FHAD1: variants seen among roughly 807,000 people sequenced by gnomAD.
The protein encoded by FHAD1 is forkhead associated phosphopeptide binding domain 1.
A neutral mutation model predicts 191.3 loss-of-function variants in FHAD1; 146 were observed. That is an observed-to-expected ratio of 0.76 (90% CI 0.67 to 0.88). The LOEUF is 0.88. Among genes scored for constraint, FHAD1 ranks in the 40% least tolerant of loss-of-function variants. The pLI is 0.00. For synonymous variants in FHAD1, 616 were observed against 672.3 expected (o/e 0.92, Z 1.29); for missense variants, 1,635 against 1,785.8 (o/e 0.92, Z 1.52).
chr1:15,360,483 G>A lies in FHAD1; in HGVS notation c.2742G>A (p.Met914Ile), dbSNP rs767083796. ...ELETTKTKMIMVEERLILQQK... is the reference protein window; with the variant it reads ...ELETTKTKMIIVEERLILQQK... ...AGTGACTCTCTGTTTCCCAGATCAT[G>A]GTGGAAGAGCGGCTAATCCTGCAGC... The change falls in exon 22 of 34, where the codon ATG (methionine) becomes ATA (isoleucine). Residue 914 changes from methionine (M) to isoleucine (I), a missense_variant. By Grantham distance (10) the Met-to-Ile change is conservative (BLOSUM62 1). Coordinates refer to ENST00000688493, the MANE Select transcript of FHAD1 (RefSeq NM_001391957.1). 23 of 1,550,896 alleles carry A rather than the reference G, an allele frequency of 1.5e-5. No individual in the cohort carries two copies. The highest frequency in any genetic ancestry group is 2.4e-5 in the East Asian group (1 of 40,938).
intron 4 of FHAD1, among the ~76,000 whole-genome samples, chr1:15,296,298 G>A (rs1666944372): frequency 6.9e-6 from 1 of 145,880 alleles, no homozygotes; most frequent in Non-Finnish European, 1.5e-5. Flanking sequence ...CTGTCACCCA[G>A]GCTGGAGTGC....
intron 26 of FHAD1, 111 bp downstream of exon 26, chr1:15,369,613 G>C: frequency 7.8e-7 from 1 of 1,279,164 alleles, no homozygotes; most frequent in Non-Finnish European, 1.1e-6. Flanking sequence ...AGTATGGCTT[G>C]CTGGTGTGAA....
At chr1:15,359,801 A>T (rs1293901804) in intron 21 of FHAD1, among the ~76,000 whole-genome samples, 1 of 150,420 alleles carries the variant, frequency 6.6e-6, no homozygotes, top group Admixed American at 6.6e-5. Context: ...ATGCAAGAAA[A>T]TAGCCAGGCG....
At chr1:15,353,042 C>T (rs911072536) in intron 20 of FHAD1, 58 bp downstream of exon 20, 1 of 1,289,518 alleles carries the variant, frequency 7.8e-7, no homozygotes, top group African/African-American at 1.5e-5. Flanking sequence ...GGGCAGTGCT[C>T]TAGAGCCAGG....
chr1:15,358,890 G>A (rs933672348), intron 21 of FHAD1, among the ~76,000 whole-genome samples: 7 of 152,212 alleles, frequency 4.6e-5, no homozygotes, highest in African/African-American at 1.4e-4. Flanking sequence ...GGAGAGAACA[G>A]CTCTGGGTGT....
At chr1:15,247,152 G>C (rs1173883183), upstream of FHAD1, 2 of 153,942 alleles carry the variant, frequency 1.3e-5, no homozygotes, top group African/African-American at 4.8e-5. Flanking sequence ...TTCCCTGCAC[G>C]GTGCCACGCC....
At chr1:15,319,487 G>A (rs897695641) in intron 10 of FHAD1, among the ~76,000 whole-genome samples, 9 of 152,248 alleles carry the variant, frequency 5.9e-5, no homozygotes, top group African/African-American at 2.2e-4. Context: ...TTGTCCAGGT[G>A]CAGTAGCTCA....
chr1:15,290,790 G>A (rs1486895238), intron 4 of FHAD1, among the ~76,000 whole-genome samples: 2 of 151,700 alleles, frequency 1.3e-5, no homozygotes, highest in Non-Finnish European at 2.9e-5. Context: ...CGCACTGCAA[G>A]CTCCGCCTTC....
intron 13 of FHAD1, 164 bp downstream of exon 13, chr1:15,328,593 A>T: frequency 1.7e-6 from 1 of 592,380 alleles, no homozygotes; most frequent in East Asian, 3.3e-5. Context: ...AGAAAAAACA[A>T]AGGGCCTAAA....
intron 13 of FHAD1, chr1:15,328,674 C>CTCAAATTTTT (rs1174578569): frequency 2.8e-6 from 1 of 360,216 alleles, no homozygotes; most frequent in Non-Finnish European, 4.9e-6. Flanking sequence ...TGACTTTGAG[C>CTCAAATTTTT]GGCCCGCATC....
chr1:15,309,651 C>T (rs538559846), intron 7 of FHAD1, among the ~76,000 whole-genome samples: 156 of 149,888 alleles, frequency 1.0e-3, no homozygotes, highest in South Asian at 5.8e-3. Context: ...TTTCCTAAAA[C>T]ATTATGAGAT....
intron 3 of FHAD1, among the ~76,000 whole-genome samples, chr1:15,279,958 G>A (rs1420732110): frequency 6.6e-6 from 1 of 152,172 alleles, no homozygotes. Flanking sequence ...ATGAGATTCC[G>A]TGCTAGGAGC....
intron 15 of FHAD1, among the ~76,000 whole-genome samples, chr1:15,340,952 C>T (rs868793114): frequency 6.6e-6 from 1 of 151,970 alleles, no homozygotes; most frequent in African/African-American, 2.4e-5. Context: ...GAGGCTGAGG[C>T]GGGTGGATCA....
At chr1:15,348,657 G>C (rs879054069) in intron 18 of FHAD1, among the ~76,000 whole-genome samples, 1 of 152,148 alleles carries the variant, frequency 6.6e-6, no homozygotes, top group Admixed American at 6.5e-5. Flanking sequence ...CTCTTCTTTT[G>C]ATCAGAGAGG....
At chr1:15,395,975 T>C (rs1350948001) in intron 33 of FHAD1, among the ~76,000 whole-genome samples, 1 of 152,050 alleles carries the variant, frequency 6.6e-6, no homozygotes. Context: ...ACCATCACAA[T>C]GAATGTGTTA....
At chr1:15,258,194 G>A (rs773628699) in intron 2 of FHAD1, among the ~76,000 whole-genome samples, 1 of 152,048 alleles carries the variant, frequency 6.6e-6, no homozygotes, top group African/African-American at 2.4e-5. Context: ...CCTTCATCTT[G>A]CAAAACTGAA....
Position 15,308,710 on chromosome 1 carries a change from T to TA in FHAD1, c.1016dup (p.Arg340GlufsTer22), listed in dbSNP as rs758103101. 1.3e-6 allele frequency: 2 copies of TA among 1,551,652 alleles called. No homozygotes were observed. Among genetic ancestry groups the TA allele is most frequent in the South Asian group, 2.4e-5 (2 of 84,058 alleles). On this transcript the variant is annotated frameshift_variant, in exon 7 of 34. Transcript: ENST00000688493. LOFTEE classifies it high-confidence loss of function. The stretch of plus-strand genomic sequence containing the variant: ...TCCCTGAAGAATGAGGGCGAGAACT[T>TA]AAAGAGAGACAACGCTATCACATCA...
intron 8 of FHAD1, chr1:15,314,933 C>T (rs1673822534): frequency 6.6e-6 from 1 of 151,148 alleles, no homozygotes; most frequent in Non-Finnish European, 1.5e-5. Context: ...GGCTGTAGAG[C>T]TGATGTTAGG....
At chr1:15,273,771 G>T (rs1333614023) in intron 3 of FHAD1, among the ~76,000 whole-genome samples, 1 of 152,152 alleles carries the variant, frequency 6.6e-6, no homozygotes, top group African/African-American at 2.4e-5. Flanking sequence ...CCGTTTCTAA[G>T]GAACAGTTCA....
Sources: allele counts gnomAD v4.1 joint callset (sites outside exome capture counted in the v4.1 genomes callset), GRCh38; gene constraint gnomAD v4.1.1; transcripts MANE v1.5; gene names NCBI Gene and HGNC (gene_info 2026-07-23, HGNC 2026-07-21).